The following MYBPC3 variants were observed in gnomAD, a reference collection of about 807,000 sequenced individuals.
MYBPC3 encodes myosin-binding protein C, cardiac-type.
A neutral mutation model predicts 159.3 loss-of-function variants in MYBPC3; 108 were observed. That is an observed-to-expected ratio of 0.68 (90% CI 0.58 to 0.80). The LOEUF is 0.80. Among genes scored for constraint, MYBPC3 ranks in the 30% least tolerant of loss-of-function variants. The pLI is 0.00. For missense variants in MYBPC3, 1,631 were observed against 1,762.1 expected, an observed-to-expected ratio of 0.93 and a Z score of 1.33; for synonymous variants, 730 against 702.0, an observed-to-expected ratio of 1.04 and a Z score of -0.63.
chr11:47,341,087 G>A, intron 19 of MYBPC3, 51 bp downstream of exon 19: 4 of 1,566,312 alleles, frequency 2.6e-6, no homozygotes, highest in Non-Finnish European at 2.6e-6. Context: ...CCCAGTGACA[G>A]GGGCTCCTGG....
chr11:47,352,273 A>G (rs1170538976), intron 1 of MYBPC3, among the ~76,000 whole-genome samples: 1 of 152,096 alleles, frequency 6.6e-6, no homozygotes, highest in East Asian at 1.9e-4. Flanking sequence ...TCAGCTCCAT[A>G]CTAAACGTGG....
rs2095891260 is a variant in MYBPC3 at position 47,343,513 on chromosome 11, T to C, written c.1202A>G (p.Gln401Arg). 1 of 1,506,422 alleles carries C rather than the reference T, an allele frequency of 6.6e-7. No homozygotes were observed. Among genetic ancestry groups the C allele is most frequent in the Admixed American group, 1.8e-5 (1 of 54,692 alleles). 93.3% of individuals were successfully genotyped at this position (1,506,422 alleles called of 1,614,324 possible). ...GCACCTGCCGCTCATCTGGATCTCCTGGCCATTCTTGAGCCATTTGACCTC... is the reference window on the plus strand; with the variant it reads ...GCACCTGCCGCTCATCTGGATCTCCCGGCCATTCTTGAGCCATTTGACCTC... ...DAEVKWLKNGQEIQMSGSKYI... is the reference protein window; with the variant it reads ...DAEVKWLKNGREIQMSGSKYI... Residue 401 changes from glutamine to arginine, a missense_variant, in exon 13 of 35, where the codon CAG (glutamine) becomes CGG (arginine). Transcript: ENST00000545968.
rs1362750360 is a variant in MYBPC3 at position 47,351,469 on chromosome 11, A to C, written c.62T>G (p.Val21Gly). 6.3e-7 allele frequency: 1 copy of C among 1,595,006 alleles called. No homozygotes were observed. Among genetic ancestry groups the C allele is most frequent in the Non-Finnish European group, 8.6e-7 (1 of 1,166,694 alleles). ...GAACACGGCAGGGCTGCCTGCGGCC[A>C]CTTCCACTGACCGTGGCTTCTTGCT... Reference protein sequence around the residue: ...AFSKKPRSVEVAAGSPAVFEA... With the variant: ...AFSKKPRSVEGAAGSPAVFEA... The change falls in exon 2 of 35, where the codon GTG (valine) becomes GGG (glycine). Residue 21 changes from valine (V) to glycine (G), a missense_variant. By Grantham distance (109) the Val-to-Gly change is moderately radical (BLOSUM62 -3). Coordinates refer to ENST00000545968, the MANE Select transcript of MYBPC3 (RefSeq NM_000256.3). This position sits in a 1 kb window ranked among gnomAD's most constrained non-coding sequence, Gnocchi z 4.2.
Position 47,343,486 on chromosome 11 carries a change from C to G in MYBPC3, c.1223+6G>C. On this transcript the variant is annotated splice_donor_region_variant and intron_variant, in intron 13 of 34. Transcript: ENST00000545968. ...CCCGAGCCCCCCTCCCCACCCCAGG[C>G]TGCACCTGCCGCTCATCTGGATCTC... The G allele has an allele frequency of 2.5e-6, 4 of 1,577,298 alleles. No homozygotes were observed. Among genetic ancestry groups the G allele is most frequent in the Non-Finnish European group, 3.4e-6 (4 of 1,162,108 alleles).
intron 30 of MYBPC3, 69 bp downstream of exon 30, chr11:47,333,125 G>A: frequency 1.3e-6 from 2 of 1,547,998 alleles, no homozygotes; most frequent in Non-Finnish European, 1.7e-6. Flanking sequence ...GGACAGTGAA[G>A]GGTAGCTGCG....
At position 47,332,497 on chromosome 11, in the gene MYBPC3, A is replaced by G; in HGVS notation, c.3627+69T>C. 1 of 1,559,274 alleles carries G rather than the reference A, an allele frequency of 6.4e-7. No homozygotes were observed. On this transcript the variant is annotated intron_variant, in intron 32 of 34. Coordinates refer to ENST00000545968, the MANE Select transcript of MYBPC3 (RefSeq NM_000256.3). The surrounding 1 kb of genome is among the most constrained non-coding windows in gnomAD (Gnocchi z 4.2). ...GCAGGGGAGACAGGCTGGGGAGAGG[A>G]CTGCTCAACGTCGGGGCCTGTGAGC...
Position 47,343,074 on chromosome 11 carries a change from G to C in MYBPC3, c.1298C>G (p.Ala433Gly), listed in dbSNP as rs1317056454. The stretch of plus-strand genomic sequence containing the variant: ...CTCGCCACCCACCACGCACTGGTAG[G>C]CTGCGTCGTCCGCCAATGAGCACTG... The part of the protein sequence containing the change: ...ISQCSLADDA[A>G]YQCVVGGEKC... The change falls in exon 15 of 35, where the codon GCC becomes GGC. Residue 433 changes from alanine to glycine, a missense_variant. Physicochemically the swap from Ala to Gly is moderately conservative, Grantham distance 60. Transcript: ENST00000545968. The C allele has an allele frequency of 1.9e-6, 3 of 1,612,416 alleles. No individual in the cohort carries two copies. Among genetic ancestry groups the C allele is most frequent in the East Asian group, 4.5e-5 (2 of 44,812 alleles).
chr11:47,348,281 ACCCTGTG>A lies in MYBPC3; in HGVS notation c.772+136_772+142del, dbSNP rs1392421608. ...CTGCAAGCCTTGGGGTTTCTCTCAC[ACCCTGTG>A]TGTGCAGCACTGGGCACGTGGCCAG... On this transcript the variant is annotated intron_variant, in intron 6 of 34. Transcript: ENST00000545968. 3 of 666,080 alleles carry A rather than the reference ACCCTGTG, an allele frequency of 4.5e-6. No homozygotes were observed. In the African/African-American group the frequency reaches 5.4e-5, roughly 12 times the overall value. 41.3% of individuals were successfully genotyped at this position (666,080 alleles called of 1,614,324 possible).
chr11:47,346,454 G>T lies in MYBPC3; in HGVS notation c.927-84C>A. The T allele has an allele frequency of 6.8e-7, 1 of 1,470,770 alleles. No individual in the cohort carries two copies. The highest frequency in any genetic ancestry group is 9.1e-7 in the Non-Finnish European group (1 of 1,104,142). 91.1% of individuals were successfully genotyped at this position (1,470,770 alleles called of 1,614,324 possible). The stretch of plus-strand genomic sequence containing the variant: ...TTCCTGGGCCCAGGACCAAGGAGCT[G>T]TAGCCACCCCTGTCCCTCTGCCCCT... On this transcript the variant is annotated intron_variant, in intron 11 of 34. Coordinates refer to ENST00000545968, the MANE Select transcript of MYBPC3 (RefSeq NM_000256.3). The surrounding 1 kb of genome is among the most constrained non-coding windows in gnomAD (Gnocchi z 5.3).
intron 5 of MYBPC3, among the ~76,000 whole-genome samples, chr11:47,349,479 C>T (rs887225943): frequency 5.9e-4 from 90 of 151,812 alleles, no homozygotes; most frequent in African/African-American, 1.8e-3. Context: ...CCACCCTGGG[C>T]GACCCCCCAC....
In MYBPC3 at chr11:47,351,182, C is replaced by CGGGGGGGGGGG; in HGVS notation, c.292+56_292+57insCCCCCCCCCCC. On this transcript the variant is annotated intron_variant, in intron 2 of 34. Coordinates refer to ENST00000545968, the MANE Select transcript of MYBPC3 (RefSeq NM_000256.3). This position sits in a 1 kb window ranked among gnomAD's most constrained non-coding sequence, Gnocchi z 4.2. Reference sequence around the variant, plus strand: ...TGTTCCCTGGATGGATGGAGAGTCGCTGGGCTGCCCCTCCCCCAGCAGCCC... The same window carrying CGGGGGGGGGGG: ...TGTTCCCTGGATGGATGGAGAGTCGCGGGGGGGGGGGTGGGCTGCCCCTCCCCCAGCAGCCC... The CGGGGGGGGGGG allele has an allele frequency of 1.4e-6, 2 of 1,451,572 alleles. No homozygotes were observed. The highest frequency in any genetic ancestry group is 1.8e-6 in the Non-Finnish European group (2 of 1,091,540). The allele number at this position is 1,451,572 out of a possible 1,614,324, so 89.9% of individuals were successfully genotyped here.
At chr11:47,343,946 G>A (rs1201146261) in intron 12 of MYBPC3, among the ~76,000 whole-genome samples, 1 of 151,996 alleles carries the variant, frequency 6.6e-6, no homozygotes, top group Non-Finnish European at 1.5e-5. Flanking sequence ...GTGCCACCAC[G>A]CCCAGCTAAT....
rs751052593 is a variant in MYBPC3 at position 47,342,110 on chromosome 11, G to T, written c.1671C>A (p.Gly557=). The T allele has an allele frequency of 6.2e-7, 1 of 1,613,810 alleles. No homozygotes were observed. The highest frequency in any genetic ancestry group is 8.5e-7 in the Non-Finnish European group (1 of 1,179,894). ...ATTTGAACACCGCCTGGTCCTTTGC[G>T]CCCACCATCAGGTCTGCGATGCTCT... ...VYQSIADLMV[G]AKDQAVFKCE... The change falls in exon 18 of 35, where the codon GGC becomes GGA. Residue 557 remains glycine, a synonymous_variant. Coordinates refer to ENST00000545968, the MANE Select transcript of MYBPC3 (RefSeq NM_000256.3).
At position 47,344,560 on chromosome 11, in the gene MYBPC3, G is replaced by A. The variant is rs11570066; in HGVS notation, c.1091-936C>T. On this transcript the variant is annotated intron_variant, in intron 12 of 34. Transcript: ENST00000545968. ...GGAGGAAGTGGGGGCTCCATCCACC[G>A]AGCAGAGAAGGACCCCTGAGTCCTC... Among the ~76,000 whole-genome samples the A allele has an allele frequency of 6.1e-3, 936 of 152,268 alleles. 11 individuals carry two copies. Among genetic ancestry groups the A allele is most frequent in the African/African-American group, 0.021 (860 of 41,532 alleles).
Position 47,332,269 on chromosome 11 carries a change from G to C in MYBPC3, c.3628-11C>G. On this transcript the variant is annotated splice_polypyrimidine_tract_variant and intron_variant, in intron 32 of 34. Coordinates refer to ENST00000545968, the MANE Select transcript of MYBPC3 (RefSeq NM_000256.3). The surrounding 1 kb of genome is among the most constrained non-coding windows in gnomAD (Gnocchi z 4.2). Reference sequence around the variant, plus strand: ...CCAGGAAATCTTGGGCTATAAATAAGGTAAAGAGAGGGAGGGAAGCCATCC... The same window carrying C: ...CCAGGAAATCTTGGGCTATAAATAACGTAAAGAGAGGGAGGGAAGCCATCC... 1 of 1,613,360 alleles carries C rather than the reference G, an allele frequency of 6.2e-7. No homozygotes were observed. The highest frequency in any genetic ancestry group is 8.5e-7 in the Non-Finnish European group (1 of 1,179,706).
At chr11:47,337,284 A>ACT (rs1373321325) in intron 25 of MYBPC3, 107 bp downstream of exon 25, 1 of 1,202,302 alleles carries the variant, frequency 8.3e-7, no homozygotes, top group Non-Finnish European at 1.1e-6. Flanking sequence ...ATGAAAGGAG[A>ACT]CTGTGGATGT....
chr11:47,346,396 C>A lies in MYBPC3; in HGVS notation c.927-26G>T. On this transcript the variant is annotated intron_variant, in intron 11 of 34. Transcript: ENST00000545968. This position sits in a 1 kb window ranked among gnomAD's most constrained non-coding sequence, Gnocchi z 5.3. Reference sequence around the variant, plus strand: ...CTGTGTCCCGCAGTCTAGGCTGTGGCCGGGGGCAAGACTGCAGCCCCCTGG... The same window carrying A: ...CTGTGTCCCGCAGTCTAGGCTGTGGACGGGGGCAAGACTGCAGCCCCCTGG... The A allele has an allele frequency of 6.5e-7, 1 of 1,536,950 alleles. No homozygotes were observed. Among genetic ancestry groups the A allele is most frequent in the Non-Finnish European group, 8.8e-7 (1 of 1,137,364 alleles).
At chr11:47,335,249 C>T in intron 26 of MYBPC3, 40 bp from the exon 27 acceptor site, 1 of 1,484,926 alleles carries the variant, frequency 6.7e-7, no homozygotes, top group Non-Finnish European at 9.1e-7. Context: ...CAGGCTGTGT[C>T]ACCACTGACA....
chr11:47,335,038 T>C lies in MYBPC3; in HGVS notation c.2905+4A>G. ...GTCTTGTGACTGCACAAAGGGGCAC[T>C]CACGCAGGATCTCCTGCACTGTCAC... On this transcript the variant is annotated splice_donor_region_variant and intron_variant, in intron 27 of 34. Coordinates refer to ENST00000545968, the MANE Select transcript of MYBPC3 (RefSeq NM_000256.3). The C allele has an allele frequency of 6.5e-7, 1 of 1,527,506 alleles. No homozygotes were observed. Among genetic ancestry groups the C allele is most frequent in the South Asian group, 1.3e-5 (1 of 77,430 alleles). The allele number at this position is 1,527,506 out of a possible 1,614,324, so 94.6% of individuals were successfully genotyped here.
Sources: allele counts gnomAD v4.1 joint callset (sites outside exome capture counted in the v4.1 genomes callset), GRCh38; gene constraint gnomAD v4.1.1; non-coding constraint Gnocchi (gnomAD v3.1); transcripts MANE v1.5; gene names NCBI Gene and HGNC (gene_info 2026-07-23, HGNC 2026-07-21).